The following PTPRD variants were observed in gnomAD, a reference collection of about 807,000 sequenced individuals.
PTPRD encodes receptor-type tyrosine-protein phosphatase delta.
Under a neutral mutation model 214.5 loss-of-function variants are expected in PTPRD, and 34 were observed. That is an observed-to-expected ratio of 0.16 (90% confidence interval 0.12 to 0.21). The LOEUF is 0.21. Ranked by LOEUF, PTPRD falls within the 10% of genes least tolerant of loss-of-function variation. The pLI, the probability that PTPRD is intolerant of heterozygous loss-of-function variation, is 1.00. For synonymous variants in PTPRD, 1,128 were observed against 845.7 expected (o/e 1.33, Z -5.79); for missense variants, 2,545 against 2,398.7 (o/e 1.06, Z -1.27).
intron 8 of PTPRD, among the ~76,000 whole-genome samples, chr9:9,411,476 G>A (rs1004754250): frequency 6.6e-6 from 1 of 152,068 alleles, no homozygotes; most frequent in African/African-American, 2.4e-5. Flanking sequence ...CTAAACAAAA[G>A]CAGCCAAATT....
intron 11 of PTPRD, among the ~76,000 whole-genome samples, chr9:8,975,772 A>C (rs1261460061): frequency 6.7e-6 from 1 of 148,878 alleles, no homozygotes; most frequent in African/African-American, 2.4e-5. Flanking sequence ...ATTACAGAAA[A>C]CTATATTGAG....
At position 8,834,202 on chromosome 9, in the gene PTPRD, T is replaced by C. The variant is rs1398664079; in HGVS notation, c.-103-100256A>G. On this transcript the variant is annotated intron_variant, in intron 11 of 45. Coordinates refer to ENST00000381196, the MANE Select transcript of PTPRD (RefSeq NM_002839.4). ...AATAGTTCAAGGGAAAAAGCCTGTT[T>C]TTTTCCATGATATTAAATAATTATA... is the stretch of plus-strand genomic sequence containing the variant. 3.9e-5 allele frequency among the ~76,000 whole-genome samples: 6 copies of C among 152,242 alleles called. No individual in the cohort carries two copies. In the East Asian group the frequency reaches 9.7e-4, roughly 25 times the overall value.
intron 11 of PTPRD, among the ~76,000 whole-genome samples, chr9:8,777,181 T>C (rs911525523): frequency 1.6e-4 from 25 of 151,952 alleles, no homozygotes; most frequent in Non-Finnish European, 1.8e-4. Context: ...GGTCTTACTA[T>C]GTTGCCCAGG....
At chr9:10,454,222 C>A (rs533951636) in intron 2 of PTPRD, among the ~76,000 whole-genome samples, 1 of 151,600 alleles carries the variant, frequency 6.6e-6, no homozygotes, top group East Asian at 1.9e-4. Flanking sequence ...TGTTTAATTA[C>A]AAAGGCCACA....
chr9:9,139,559 G>C lies in PTPRD; in HGVS notation c.-143+43745C>G, dbSNP rs376332002. ...TGTGATACCGCGACAGTCGAGGGTG[G>C]CTACTAAGTGACTCAGGAATGGGTA... On this transcript the variant is annotated intron_variant, in intron 10 of 45. Coordinates refer to ENST00000381196, the MANE Select transcript of PTPRD (RefSeq NM_002839.4). Among the ~76,000 whole-genome samples the C allele has an allele frequency of 2.1e-3, 321 of 152,242 alleles. 1 individual carries two copies. The highest frequency in any genetic ancestry group is 7.4e-3 in the African/African-American group (309 of 41,536).
intron 33 of PTPRD, among the ~76,000 whole-genome samples, chr9:8,455,100 A>C (rs1041044455): frequency 6.6e-6 from 1 of 152,216 alleles, no homozygotes; most frequent in Admixed American, 6.5e-5. Flanking sequence ...AACTATACAG[A>C]AATTTGCACA....
At chr9:9,195,896 A>G (rs577040939) in intron 9 of PTPRD, among the ~76,000 whole-genome samples, 1 of 152,302 alleles carries the variant, frequency 6.6e-6, no homozygotes, top group Admixed American at 6.5e-5. Context: ...ATTATTAAAT[A>G]CAAAGGCTAC....
chr9:9,942,885 G>T (rs1472562422), intron 4 of PTPRD, among the ~76,000 whole-genome samples: 1 of 141,562 alleles, frequency 7.1e-6, no homozygotes, highest in African/African-American at 2.9e-5. Flanking sequence ...GCAAAACATT[G>T]CTCTGAGTTG....
At chr9:10,587,477 C>T (rs531638586) in intron 2 of PTPRD, among the ~76,000 whole-genome samples, 3 of 151,636 alleles carry the variant, frequency 2.0e-5, no homozygotes, top group Non-Finnish European at 2.9e-5. Context: ...AAAATAATGG[C>T]AATAATAAGT....
intron 11 of PTPRD, among the ~76,000 whole-genome samples, chr9:8,763,352 A>C (rs926945181): frequency 6.6e-6 from 1 of 151,766 alleles, no homozygotes; most frequent in Non-Finnish European, 1.5e-5. Context: ...TCTCTAATAA[A>C]AATATACAAA....
chr9:9,362,376 G>T (rs566962279), intron 9 of PTPRD, among the ~76,000 whole-genome samples: 1 of 151,064 alleles, frequency 6.6e-6, no homozygotes, highest in African/African-American at 2.4e-5. Flanking sequence ...CTCATACTTT[G>T]TTAAGGGAAA....
intron 10 of PTPRD, among the ~76,000 whole-genome samples, chr9:9,032,138 G>C (rs2099607539): frequency 6.6e-6 from 1 of 152,018 alleles, no homozygotes; most frequent in Admixed American, 6.6e-5. Flanking sequence ...GTGAGGGTCT[G>C]TGGGTTGTAG....
At chr9:8,792,627 C>T (rs182593125) in intron 11 of PTPRD, among the ~76,000 whole-genome samples, 316 of 152,136 alleles carry the variant, frequency 2.1e-3, no homozygotes, top group Admixed American at 4.2e-3. Flanking sequence ...ATAGCCTTTC[C>T]GTTGTTGTTT....
Position 10,452,433 on chromosome 9 carries a change from T to C in PTPRD, c.-599-111416A>G, listed in dbSNP as rs550775515. 2.6e-5 allele frequency among the ~76,000 whole-genome samples: 4 copies of C among 151,958 alleles called. No individual in the cohort carries two copies. The South Asian group carries it at 8.3e-4, about 32-fold the overall frequency. On this transcript the variant is annotated intron_variant, in intron 2 of 45. Transcript: ENST00000381196. ...CCATAATGGCTATACCAATTTACAT[T>C]CCCACCAACAGTAGACAGAGTTCCC... is the stretch of plus-strand genomic sequence containing the variant.
intron 11 of PTPRD, among the ~76,000 whole-genome samples, chr9:8,895,306 C>T (rs955128552): frequency 3.3e-5 from 5 of 151,448 alleles, no homozygotes; most frequent in Non-Finnish European, 4.4e-5. Context: ...GAGGGTCTGG[C>T]ATTCTCTATC....
At chr9:9,316,129 C>G (rs1299712011) in intron 9 of PTPRD, among the ~76,000 whole-genome samples, 1 of 151,900 alleles carries the variant, frequency 6.6e-6, no homozygotes, top group African/African-American at 2.4e-5. Context: ...CACCCTTCAT[C>G]TTTCATCTTA....
intron 10 of PTPRD, among the ~76,000 whole-genome samples, chr9:9,182,935 A>G (rs909182717): frequency 6.6e-6 from 1 of 152,012 alleles, no homozygotes; most frequent in Non-Finnish European, 1.5e-5. Context: ...AGGGCTAATA[A>G]TTTCATAGCA....
At chr9:9,768,322 G>C (rs2098723157) in intron 5 of PTPRD, among the ~76,000 whole-genome samples, 1 of 152,284 alleles carries the variant, frequency 6.6e-6, no homozygotes, top group South Asian at 2.1e-4. Context: ...TTGGGACATA[G>C]TGACTAATAA....
chr9:9,335,438 C>G (rs985699603), intron 9 of PTPRD, among the ~76,000 whole-genome samples: 1 of 152,066 alleles, frequency 6.6e-6, no homozygotes, highest in South Asian at 2.1e-4. Flanking sequence ...TTTCTCACTA[C>G]GTGTTTTTAA....
Sources: gnomAD v4.1 joint callset for allele counts (sites outside exome capture counted in the v4.1 genomes callset) on GRCh38, gnomAD v4.1.1 for gene constraint, MANE v1.5 for transcripts, NCBI Gene and HGNC (gene_info 2026-07-23, HGNC 2026-07-21) for gene names.